The following GRM4 variants were observed in gnomAD, a reference collection of about 807,000 sequenced individuals.
GRM4 encodes metabotropic glutamate receptor 4.
Under a neutral mutation model 81.7 loss-of-function variants are expected in GRM4, and 28 were observed. That is an observed-to-expected ratio of 0.34 (90% CI 0.25 to 0.47). GRM4 has a LOEUF of 0.47. Ranked by LOEUF, GRM4 falls within the 20% of genes least tolerant of loss-of-function variation. The pLI, the probability that GRM4 is intolerant of heterozygous loss-of-function variation, is 1.00. For missense variants in GRM4, 948 were observed against 1,290.0 expected, an observed-to-expected ratio of 0.73 and a Z score of 4.06; for synonymous variants, 488 against 528.8, an observed-to-expected ratio of 0.92 and a Z score of 1.06.
chr6:34,140,297 C>T (rs1324573038), intron 1 of GRM4, among the ~76,000 whole-genome samples: 1 of 150,512 alleles, frequency 6.6e-6, no homozygotes, highest in African/African-American at 2.5e-5. Context: ...AGCAAGGAGG[C>T]CAACGTGACC....
At chr6:34,072,912 CCA>C (rs202017643) in intron 3 of GRM4, among the ~76,000 whole-genome samples, 25,154 of 141,636 alleles carry the variant, frequency 0.18, 3,127 homozygotes, top group African/African-American at 0.34. Flanking sequence ...ACACACATCA[CCA>C]CACAGATACA....
rs938484741 is a variant in GRM4, at chr6:34,035,893, G to A, written c.2217C>T (p.Phe739=). Residue 739 remains phenylalanine (F), a synonymous_variant, in exon 9 of 11, where the codon TTC becomes TTT. Coordinates refer to ENST00000538487, the MANE Select transcript of GRM4 (RefSeq NM_000841.4). The surrounding 1 kb of genome is among the most constrained non-coding windows in gnomAD (Gnocchi z 6.6). ...FQDQRTLDPR[F]ARGVLKCDIS... is the part of the protein sequence containing the mutation. Reference sequence around the variant, plus strand: ...TGTCACACTTGAGCACACCCCTGGCGAAGCGGGGGTCGAGTGTCCGCTGGT... The same window carrying A: ...TGTCACACTTGAGCACACCCCTGGCAAAGCGGGGGTCGAGTGTCCGCTGGT... 41 of 1,608,054 alleles carry A rather than the reference G, an allele frequency of 2.5e-5. No individual in the cohort carries two copies. Among genetic ancestry groups the A allele is most frequent in the African/African-American group, 5.3e-5 (4 of 74,838 alleles).
At position 34,022,810 on chromosome 6, in the gene GRM4, C is replaced by T; in HGVS notation, c.*11G>A. On this transcript the variant is annotated 3_prime_UTR_variant, in exon 11 of 11. Transcript: ENST00000538487. This position sits in a 1 kb window ranked among gnomAD's most constrained non-coding sequence, Gnocchi z 5.6. The stretch of plus-strand genomic sequence containing the variant: ...CGGCTCCTCCTCCTGCTGCTCAGCT[C>T]CATGGACTCGCTAGATTGCATGGTT... 1 of 1,612,550 alleles carries T rather than the reference C, an allele frequency of 6.2e-7. No individual in the cohort carries two copies. Among genetic ancestry groups the T allele is most frequent in the Non-Finnish European group, 8.5e-7 (1 of 1,178,540 alleles).
chr6:34,059,327 C>G lies in GRM4; in HGVS notation c.873-199G>C. 1.7e-6 allele frequency: 1 copy of G among 601,228 alleles called. No individual in the cohort carries two copies. Among genetic ancestry groups the G allele is most frequent in the Non-Finnish European group, 3.0e-6 (1 of 338,576 alleles). 37.2% of individuals were successfully genotyped at this position (601,228 alleles called of 1,614,324 possible). On this transcript the variant is annotated intron_variant, in intron 4 of 10. Coordinates refer to ENST00000538487, the MANE Select transcript of GRM4 (RefSeq NM_000841.4). The surrounding 1 kb of genome is among the most constrained non-coding windows in gnomAD (Gnocchi z 5.7). ...CACCTGCTCATAGACCCATGGCTAC[C>G]GCCTCATCCAACCTGCCTGCCCCTG...
Position 34,069,050 on chromosome 6 carries a change from G to C in GRM4, c.737-7022C>G, listed in dbSNP as rs1766638068. Among the ~76,000 whole-genome samples the C allele has an allele frequency of 6.6e-6, 1 of 152,090 alleles. No homozygotes were observed. Among genetic ancestry groups the C allele is most frequent in the South Asian group, 2.1e-4 (1 of 4,826 alleles). ...AAGGCAGCAATTTCCAGTGGGGTAGGGGGTGGGGAGTTACACACAGGGACA... is the reference window on the plus strand; with the variant it reads ...AAGGCAGCAATTTCCAGTGGGGTAGCGGGTGGGGAGTTACACACAGGGACA... On this transcript the variant is annotated intron_variant, in intron 3 of 10. Coordinates refer to ENST00000538487, the MANE Select transcript of GRM4 (RefSeq NM_000841.4). This position sits in a 1 kb window ranked among gnomAD's most constrained non-coding sequence, Gnocchi z 6.4.
chr6:34,112,012 A>T lies in GRM4; in HGVS notation c.520-19913T>A, dbSNP rs1167246394. ...CTCACTCACCCCAAGTTGCACCTAAATAAACGTAGTGGAAGGGGGGGACAT... is the reference window on the plus strand; with the variant it reads ...CTCACTCACCCCAAGTTGCACCTAATTAAACGTAGTGGAAGGGGGGGACAT... On this transcript the variant is annotated intron_variant, in intron 2 of 10. Transcript: ENST00000538487. 3.3e-5 allele frequency among the ~76,000 whole-genome samples: 5 copies of T among 152,278 alleles called. No individual in the cohort carries two copies. The East Asian group carries it at 9.6e-4, about 29-fold the overall frequency.
chr6:34,103,783 C>T, intron 2 of GRM4: 1 of 1,448,444 alleles, frequency 6.9e-7, no homozygotes, highest in Non-Finnish European at 9.0e-7. Context: ...CAAGTCACCT[C>T]CTTTGTGAGC....
intron 3 of GRM4, chr6:34,062,380 C>T (rs1766232075): frequency 4.2e-6 from 1 of 235,564 alleles, no homozygotes; most frequent in Non-Finnish European, 8.2e-6. Flanking sequence ...AGGTCAGTTA[C>T]TGGACCTCTC....
chr6:34,147,840 G>A (rs78691829), upstream of GRM4, among the ~76,000 whole-genome samples: 3,813 of 152,184 alleles, frequency 0.025, 65 homozygotes, highest in Non-Finnish European at 0.041. Context: ...GTATTTAGGC[G>A]GCTGTAAGTG....
rs181139624 is a variant in GRM4 at position 34,116,205 on chromosome 6, A to C, written c.519+16773T>G. ...AAACACATGCCGCCTAGAACTGCAG[A>C]ATGAGCACCGGCTTCAGGGACAGGC... On this transcript the variant is annotated intron_variant, in intron 2 of 10. Transcript: ENST00000538487. Among the ~76,000 whole-genome samples, 21 of 152,364 alleles carry C rather than the reference A, an allele frequency of 1.4e-4. No homozygotes were observed. The South Asian group carries it at 1.4e-3, about 11-fold the overall frequency.
At chr6:34,150,598 T>A (rs1030622354), upstream of GRM4, among the ~76,000 whole-genome samples, 5 of 152,024 alleles carry the variant, frequency 3.3e-5, no homozygotes, top group Non-Finnish European at 7.4e-5. Flanking sequence ...ACCTGAGAGA[T>A]GATGCTTCCT....
At chr6:34,151,488 T>C (rs1424279207) in intron 1 of GRM4, among the ~76,000 whole-genome samples, 1 of 152,202 alleles carries the variant, frequency 6.6e-6, no homozygotes, top group East Asian at 1.9e-4. Flanking sequence ...GATGTCAAAA[T>C]ACAATTAACA....
In GRM4 at chr6:34,021,998, A is replaced by G. The variant is rs1402541147; in HGVS notation, c.*823T>C. The G allele has an allele frequency of 6.5e-6, 1 of 154,750 alleles. No individual in the cohort carries two copies. Among genetic ancestry groups the G allele is most frequent in the African/African-American group, 2.4e-5 (1 of 41,224 alleles). The allele number at this position is 154,750 out of a possible 1,614,324, so 9.6% of individuals were successfully genotyped here. A position where few individuals can be genotyped will look rare whatever the true frequency, so the allele number is the denominator to read the frequency against. ...AGGGGCAGGCGGGCAGGCGGGCAAG[A>G]CAGACGGCAGACGGGCGGGGCAGGC... On this transcript the variant is annotated 3_prime_UTR_variant, in exon 11 of 11. Transcript: ENST00000538487. The surrounding 1 kb of genome is among the most constrained non-coding windows in gnomAD (Gnocchi z 5.3).
At position 34,034,720 on chromosome 6, in the gene GRM4, C is replaced by T. The variant is rs1764602657; in HGVS notation, c.2442+948G>A. On this transcript the variant is annotated intron_variant, in intron 9 of 10. Coordinates refer to ENST00000538487, the MANE Select transcript of GRM4 (RefSeq NM_000841.4). The surrounding 1 kb of genome is among the most constrained non-coding windows in gnomAD (Gnocchi z 4.0). ...AAGACTGCAGGGAAAGGGACATGGT[C>T]CCAATTTACTGATGAAGAAACTGAG... Among the ~76,000 whole-genome samples, 1 of 152,218 alleles carries T rather than the reference C, an allele frequency of 6.6e-6. No individual in the cohort carries two copies. The highest frequency in any genetic ancestry group is 1.5e-5 in the Non-Finnish European group (1 of 68,042).
chr6:34,141,147 C>G (rs571465738), intron 1 of GRM4, among the ~76,000 whole-genome samples: 1 of 152,352 alleles, frequency 6.6e-6, no homozygotes, highest in African/African-American at 2.4e-5. Flanking sequence ...TTGTGTCACC[C>G]TAAGGAACAG....
rs9366837 is a variant in GRM4, at chr6:34,041,934, A to C, written c.1169-1186T>G. Among the ~76,000 whole-genome samples, 58 of 152,236 alleles carry C rather than the reference A, an allele frequency of 3.8e-4. 1 individual carries two copies. The East Asian group carries it at 0.011, about 29-fold the overall frequency. ...TCATTGATTTCTCACAACAATGCTA[A>C]GGTGTAATCACCTCCATTGTAGAGA... On this transcript the variant is annotated intron_variant, in intron 6 of 10. Transcript: ENST00000538487.
At chr6:34,097,374 G>C (rs902854878) in intron 2 of GRM4, among the ~76,000 whole-genome samples, 6 of 151,770 alleles carry the variant, frequency 4.0e-5, no homozygotes, top group Admixed American at 2.0e-4. Flanking sequence ...ATGCATGCCT[G>C]TGTGTGTGTG....
chr6:34,085,881 C>A (rs370390236), intron 3 of GRM4, among the ~76,000 whole-genome samples: 1 of 152,104 alleles, frequency 6.6e-6, no homozygotes, highest in Non-Finnish European at 1.5e-5. Context: ...GGGAGACATC[C>A]GAGAAGATAC....
chr6:34,035,698 G>C lies in GRM4; in HGVS notation c.2412C>G (p.Ile804Met), dbSNP rs1764656960. 6.3e-7 allele frequency: 1 copy of C among 1,584,928 alleles called. No homozygotes were observed. Among genetic ancestry groups the C allele is most frequent in the South Asian group, 1.1e-5 (1 of 89,832 alleles). Residue 804 changes from isoleucine (I) to methionine (M), a missense_variant, in exon 9 of 11, where the codon ATC becomes ATG. Coordinates refer to ENST00000538487, the MANE Select transcript of GRM4 (RefSeq NM_000841.4). The surrounding 1 kb of genome is among the most constrained non-coding windows in gnomAD (Gnocchi z 6.6). ...TCIVWLAFIP[I>M]FFGTSQSADK... ...CGGCCGACTGCGAGGTGCCAAAGAA[G>C]ATGGGGATGAAGGCCAGCCAGACGA...
Sources: gnomAD v4.1 joint callset for allele counts (sites outside exome capture counted in the v4.1 genomes callset) on GRCh38, gnomAD v4.1.1 for gene constraint, Gnocchi (gnomAD v3.1) non-coding constraint, MANE v1.5 for transcripts, NCBI Gene and HGNC (gene_info 2026-07-23, HGNC 2026-07-21) for gene names.